CEP112: variants seen among roughly 807,000 people sequenced by gnomAD.
The protein encoded by CEP112 is centrosomal protein of 112 kDa.
In CEP112, 127 loss-of-function variants were observed where a neutral mutation model predicts 153.0. The ratio of observed to expected loss-of-function variants is 0.83; its 90% CI spans 0.72 to 0.96. The LOEUF (loss-of-function observed/expected upper bound fraction) is 0.96, where lower values mean the gene tolerates loss of function less well. CEP112 is among the 40% of genes least tolerant of loss of function. The pLI is 0.00. For synonymous variants in CEP112, 358 were observed against 374.4 expected, an observed-to-expected ratio of 0.96 and a Z score of 0.51; for missense variants, 1,089 against 1,101.2, an observed-to-expected ratio of 0.99 and a Z score of 0.16.
intron 8 of CEP112, among the ~76,000 whole-genome samples, chr17:66,071,901 T>C (rs1396217495): frequency 1.3e-5 from 2 of 152,198 alleles, no homozygotes; most frequent in Non-Finnish European, 1.5e-5. Context: ...CAAAAGGATT[T>C]TTGTGTATCT....
chr17:65,862,596 A>G (rs1261593933), intron 20 of CEP112, among the ~76,000 whole-genome samples: 1 of 152,068 alleles, frequency 6.6e-6, no homozygotes, highest in Non-Finnish European at 1.5e-5. Flanking sequence ...CAAAAATAAT[A>G]ATAATAATAT....
At chr17:65,715,386 G>T (rs1423897005) in intron 23 of CEP112, among the ~76,000 whole-genome samples, 1 of 152,064 alleles carries the variant, frequency 6.6e-6, no homozygotes, top group African/African-American at 2.4e-5. Flanking sequence ...AAACTTTGGG[G>T]CAGAATTTAT....
chr17:65,687,711 C>A (rs764384917), intron 24 of CEP112, among the ~76,000 whole-genome samples: 19 of 152,182 alleles, frequency 1.2e-4, no homozygotes, highest in Admixed American at 3.3e-4. Context: ...TGCTTACTTT[C>A]ATCATTTTGT....
intron 17 of CEP112, among the ~76,000 whole-genome samples, chr17:65,994,626 G>A (rs960039846): frequency 1.3e-5 from 2 of 152,172 alleles, no homozygotes; most frequent in Non-Finnish European, 2.9e-5. Context: ...ATTGCACACA[G>A]CCCTCATTTA....
At chr17:65,924,909 C>G (rs937422957) in intron 19 of CEP112, among the ~76,000 whole-genome samples, 3 of 152,224 alleles carry the variant, frequency 2.0e-5, no homozygotes, top group Admixed American at 6.5e-5. Context: ...GGCAGCTGCT[C>G]AAATCCACAC....
At chr17:66,129,109 G>A (rs1235130717) in intron 6 of CEP112, among the ~76,000 whole-genome samples, 1 of 152,006 alleles carries the variant, frequency 6.6e-6, no homozygotes, top group Non-Finnish European at 1.5e-5. Flanking sequence ...AAAATGCAGG[G>A]CTCAATGTTG....
At chr17:66,056,125 A>G (rs2066675718) in intron 11 of CEP112, among the ~76,000 whole-genome samples, 1 of 152,200 alleles carries the variant, frequency 6.6e-6, no homozygotes, top group African/African-American at 2.4e-5. Flanking sequence ...ATCCATAGGA[A>G]TTCTCAAGAA....
intron 21 of CEP112, among the ~76,000 whole-genome samples, chr17:65,840,733 T>G (rs931319239): frequency 6.6e-6 from 1 of 151,880 alleles, no homozygotes; most frequent in African/African-American, 2.4e-5. Context: ...TAAAAAGAAA[T>G]GAGAGAACAT....
intron 8 of CEP112, among the ~76,000 whole-genome samples, chr17:66,082,907 A>C (rs1200413193): frequency 7.2e-5 from 11 of 152,022 alleles, no homozygotes. Context: ...TTCTATTAGT[A>C]ATTTTACATA....
intron 8 of CEP112, among the ~76,000 whole-genome samples, chr17:66,089,529 G>A (rs767317299): frequency 4.0e-5 from 6 of 151,792 alleles, no homozygotes; most frequent in South Asian, 2.1e-4. Flanking sequence ...AAAATATAAC[G>A]AATGAAAAGA....
Position 66,176,885 on chromosome 17 carries a change from C to T in CEP112, c.242G>A (p.Gly81Asp), listed in dbSNP as rs1049293885. ...GGGTTCAGGTCGGTGTGTAAAAGGG[C>T]CTTCAAGCGCACCTCGTTTAAGCAT... ...LHMLKRGALE[G>D]PFTHRPEPGT... The change falls in exon 3 of 27, where the codon GGC (glycine) becomes GAC (aspartate). Residue 81 changes from glycine (G) to aspartate (D), a missense_variant. Transcript: ENST00000535342. 6.2e-7 allele frequency: 1 copy of T among 1,613,424 alleles called. No individual in the cohort carries two copies. The highest frequency in any genetic ancestry group is 1.3e-5 in the African/African-American group (1 of 74,826).
chr17:66,113,011 G>A (rs1216225444), intron 6 of CEP112, among the ~76,000 whole-genome samples: 1 of 152,088 alleles, frequency 6.6e-6, no homozygotes, highest in African/African-American at 2.4e-5. Context: ...AGACGTTGCA[G>A]TGAGCTGAGA....
intron 24 of CEP112, among the ~76,000 whole-genome samples, chr17:65,669,545 A>G (rs748215170): frequency 2.0e-5 from 3 of 152,170 alleles, no homozygotes; most frequent in Non-Finnish European, 4.4e-5. Flanking sequence ...AACAGAGATT[A>G]TTTACTGTAT....
chr17:65,982,492 T>C (rs1431653697), intron 17 of CEP112, among the ~76,000 whole-genome samples: 1 of 152,246 alleles, frequency 6.6e-6, no homozygotes, highest in Non-Finnish European at 1.5e-5. Flanking sequence ...GTTTGAATTC[T>C]TGAACAGACT....
chr17:65,637,625 C>A (rs1009855438), intron 25 of CEP112, among the ~76,000 whole-genome samples: 6 of 152,228 alleles, frequency 3.9e-5, no homozygotes, highest in African/African-American at 1.4e-4. Flanking sequence ...TCCTCCCCAG[C>A]TGCTCCTTGC....
intron 10 of CEP112, among the ~76,000 whole-genome samples, chr17:66,066,577 A>G (rs1236555746): frequency 1.7e-4 from 1 of 5,946 alleles, no homozygotes; most frequent in Non-Finnish European, 4.2e-4. Context: ...AAACACACAC[A>G]CAGACACACA....
chr17:65,856,355 G>A (rs2058120346), intron 20 of CEP112, among the ~76,000 whole-genome samples: 1 of 152,108 alleles, frequency 6.6e-6, no homozygotes, highest in South Asian at 2.1e-4. Flanking sequence ...CTAAATAATA[G>A]AGTCTGAGAA....
At chr17:66,021,720 A>G (rs1028854508) in intron 16 of CEP112, among the ~76,000 whole-genome samples, 1 of 152,142 alleles carries the variant, frequency 6.6e-6, no homozygotes, top group African/African-American at 2.4e-5. Context: ...GACCCCTGTC[A>G]GGGCTGGTGC....
At chr17:65,959,802 G>A (rs1457618710) in intron 18 of CEP112, among the ~76,000 whole-genome samples, 1 of 152,176 alleles carries the variant, frequency 6.6e-6, no homozygotes, top group Admixed American at 6.5e-5. Context: ...ACTGCACAGC[G>A]GCCAGACCCC....
Sources: gnomAD v4.1 joint callset for allele counts (sites outside exome capture counted in the v4.1 genomes callset) on GRCh38, gnomAD v4.1.1 for gene constraint, MANE v1.5 for transcripts, NCBI Gene and HGNC (gene_info 2026-07-23, HGNC 2026-07-21) for gene names.